Variants in FGGY observed in about 807,000 individuals in gnomAD.
FGGY encodes the protein FGGY carbohydrate kinase domain containing.
FGGY carries 72 observed loss-of-function variants against 71.3 expected under a neutral mutation model. The ratio of observed to expected loss-of-function variants is 1.01; its 90% CI spans 0.84 to 1.23. The LOEUF is 1.23. FGGY is among the 50% of genes most tolerant of loss of function. FGGY has a pLI of 0.00. For synonymous variants in FGGY, 251 were observed against 250.3 expected (o/e 1.00, Z -0.02); for missense variants, 668 against 682.3 (o/e 0.98, Z 0.23).
chr1:59,418,186 G>T (rs2064800512), intron 5 of FGGY, among the ~76,000 whole-genome samples: 1 of 152,172 alleles, frequency 6.6e-6, no homozygotes, highest in African/African-American at 2.4e-5. Flanking sequence ...AAGAACTGGG[G>T]CAGGGGTTGA....
intron 6 of FGGY, among the ~76,000 whole-genome samples, chr1:59,461,672 G>C (rs956330874): frequency 6.6e-6 from 1 of 152,068 alleles, no homozygotes; most frequent in Admixed American, 6.5e-5. Context: ...ACAGAGAAAG[G>C]TCACATTACC....
At chr1:59,679,502 T>C (rs1197689618) in intron 14 of FGGY, among the ~76,000 whole-genome samples, 1 of 152,132 alleles carries the variant, frequency 6.6e-6, no homozygotes, top group Non-Finnish European at 1.5e-5. Flanking sequence ...TTTTTTTCTT[T>C]GTCTGGAATA....
chr1:59,638,403 G>A, intron 11 of FGGY, 28 bp downstream of exon 11: 2 of 1,612,190 alleles, frequency 1.2e-6, no homozygotes, highest in South Asian at 1.1e-5. Context: ...CTTGCACATG[G>A]GTGAAGGCAG....
chr1:59,560,108 A>G (rs1432546642), intron 8 of FGGY, among the ~76,000 whole-genome samples: 2 of 152,202 alleles, frequency 1.3e-5, no homozygotes, highest in East Asian at 3.8e-4. Context: ...ATCAACAATG[A>G]TAAGTCATGT....
intron 8 of FGGY, among the ~76,000 whole-genome samples, chr1:59,590,945 T>G (rs150216559): frequency 1.3e-5 from 2 of 152,070 alleles, no homozygotes; most frequent in Admixed American, 6.6e-5. Context: ...CCAGGGCAAT[T>G]AGGCAGGAGA....
chr1:59,758,331 C>T (rs991812875), intron 15 of FGGY, among the ~76,000 whole-genome samples: 2 of 152,190 alleles, frequency 1.3e-5, no homozygotes, highest in African/African-American at 4.8e-5. Flanking sequence ...TTCTTTTACT[C>T]TTTGTATCAC....
intron 7 of FGGY, among the ~76,000 whole-genome samples, chr1:59,517,414 C>T (rs897156108): frequency 2.0e-5 from 3 of 151,446 alleles, no homozygotes; most frequent in Non-Finnish European, 4.4e-5. Context: ...TACAGGCGCC[C>T]GCCACTATGC....
intron 5 of FGGY, among the ~76,000 whole-genome samples, chr1:59,409,598 TTATATATA>T (rs202016801): frequency 3.8e-5 from 4 of 105,770 alleles, no homozygotes; most frequent in Admixed American, 1.0e-4. Context: ...GAAGAGTTTT[TTATATATA>T]TATATATATA....
intron 14 of FGGY, among the ~76,000 whole-genome samples, chr1:59,700,232 C>G (rs1334346030): frequency 6.6e-6 from 1 of 152,180 alleles, no homozygotes; most frequent in African/African-American, 2.4e-5. Context: ...AAAGCAAATA[C>G]AGTGCACAGC....
intron 5 of FGGY, among the ~76,000 whole-genome samples, chr1:59,433,616 T>G (rs994827003): frequency 6.6e-6 from 1 of 152,164 alleles, no homozygotes; most frequent in East Asian, 1.9e-4. Context: ...AAAATATGCT[T>G]TTGTAAATTT....
chr1:59,748,897 G>A (rs2101634786), intron 14 of FGGY, among the ~76,000 whole-genome samples: 1 of 152,280 alleles, frequency 6.6e-6, no homozygotes, highest in Non-Finnish European at 1.5e-5. Context: ...GAAAGACCAA[G>A]GCATGATTAG....
chr1:59,701,246 A>G (rs900068597), intron 14 of FGGY, among the ~76,000 whole-genome samples: 11 of 152,196 alleles, frequency 7.2e-5, no homozygotes, highest in Admixed American at 2.0e-4. Context: ...AACATAAGGC[A>G]GAAGTGGAAT....
intron 14 of FGGY, among the ~76,000 whole-genome samples, chr1:59,690,475 C>G (rs2097579579): frequency 6.6e-6 from 1 of 152,142 alleles, no homozygotes; most frequent in African/African-American, 2.4e-5. Context: ...ATACTGAAAC[C>G]CATCTCTATA....
At chr1:59,725,350 C>A (rs537306486) in intron 14 of FGGY, among the ~76,000 whole-genome samples, 2 of 152,290 alleles carry the variant, frequency 1.3e-5, no homozygotes, top group East Asian at 1.9e-4. Flanking sequence ...CTTTCCCCAA[C>A]CTTACACTGT....
At chr1:59,373,869 G>A (rs143104904) in intron 4 of FGGY, among the ~76,000 whole-genome samples, 4,784 of 152,266 alleles carry the variant, frequency 0.031, 98 homozygotes, top group East Asian at 0.058. Flanking sequence ...AGCTGAAACT[G>A]GATCCCTTCC....
chr1:59,534,332 G>T (rs964190352), intron 7 of FGGY, among the ~76,000 whole-genome samples: 1 of 152,172 alleles, frequency 6.6e-6, no homozygotes, highest in African/African-American at 2.4e-5. Context: ...GGGACTATGT[G>T]AAAAGACCAA....
chr1:59,376,971 C>T (rs138884178), intron 4 of FGGY, among the ~76,000 whole-genome samples: 4 of 152,146 alleles, frequency 2.6e-5, no homozygotes, highest in African/African-American at 9.7e-5. Context: ...CATTCATAGG[C>T]AGAAGTGAAA....
At chr1:59,697,576 T>A (rs1242989518) in intron 14 of FGGY, 24 of 804,152 alleles carry the variant, frequency 3.0e-5, no homozygotes, top group Non-Finnish European at 4.1e-5. Flanking sequence ...TTGTTCTCTG[T>A]GATCTGCTGA....
At chr1:59,313,968 CTTT>C (rs1028016223) in intron 1 of FGGY, among the ~76,000 whole-genome samples, 1 of 145,770 alleles carries the variant, frequency 6.9e-6, no homozygotes, top group Non-Finnish European at 1.5e-5. Flanking sequence ...TTTTTTTTTT[CTTT>C]TTTTTTTTGA....
Sources: gnomAD v4.1 joint callset for allele counts (sites outside exome capture counted in the v4.1 genomes callset) on GRCh38, gnomAD v4.1.1 for gene constraint, MANE v1.5 for transcripts, NCBI Gene and HGNC (gene_info 2026-07-23, HGNC 2026-07-21) for gene names.